The following DOCK3 variants were observed in gnomAD, a reference collection of about 807,000 sequenced individuals.
The protein encoded by DOCK3 is dedicator of cytokinesis protein 3.
DOCK3 carries 60 observed loss-of-function variants against 265.6 expected under a neutral mutation model. The observed-to-expected ratio is 0.23, with a 90% CI of 0.18 to 0.28. DOCK3 has a LOEUF of 0.28. Among genes scored for constraint, DOCK3 ranks in the 10% least tolerant of loss-of-function variants. DOCK3 has a pLI of 1.00. For synonymous variants in DOCK3, 881 were observed against 938.0 expected (o/e 0.94, Z 1.11); for missense variants, 1,981 against 2,594.3 (o/e 0.76, Z 5.14).
At chr3:51,249,778 C>T (rs1260847404) in intron 22 of DOCK3, among the ~76,000 whole-genome samples, 3 of 144,022 alleles carry the variant, frequency 2.1e-5, no homozygotes, top group Admixed American at 6.9e-5. Flanking sequence ...GAGGTGTGCC[C>T]AACAGCTCAT....
intron 3 of DOCK3, among the ~76,000 whole-genome samples, chr3:50,870,761 T>C (rs999468095): frequency 6.6e-6 from 1 of 152,088 alleles, no homozygotes; most frequent in East Asian, 1.9e-4. Flanking sequence ...TTTTGCTTTT[T>C]TGGATCTCAT....
At chr3:51,324,818 AG>A (rs2083984964) in intron 32 of DOCK3, among the ~76,000 whole-genome samples, 1 of 152,252 alleles carries the variant, frequency 6.6e-6, no homozygotes, top group African/African-American at 2.4e-5. Flanking sequence ...CAATGGGGAA[AG>A]GATTCCCTAT....
chr3:50,979,840 T>TA (rs2077625008), intron 5 of DOCK3, among the ~76,000 whole-genome samples: 1 of 152,240 alleles, frequency 6.6e-6, no homozygotes, highest in Non-Finnish European at 1.5e-5. Flanking sequence ...TTATTAGTTC[T>TA]AAGAGTGTTT....
chr3:51,120,607 GT>G (rs2083967003), intron 9 of DOCK3, among the ~76,000 whole-genome samples: 1 of 152,234 alleles, frequency 6.6e-6, no homozygotes, highest in Non-Finnish European at 1.5e-5. Context: ...GGAGATGGGA[GT>G]TTGATCTATA....
intron 41 of DOCK3, 132 bp from the exon 42 acceptor site, chr3:51,355,957 C>T: frequency 8.9e-7 from 1 of 1,127,978 alleles, no homozygotes; most frequent in Admixed American, 2.2e-5. Context: ...AGAGATGCCA[C>T]TGCCTCCCCT....
chr3:51,315,774 C>A (rs1352872141), intron 32 of DOCK3, among the ~76,000 whole-genome samples: 2 of 152,110 alleles, frequency 1.3e-5, no homozygotes, highest in African/African-American at 4.8e-5. Flanking sequence ...CCACTGTAAG[C>A]AGGCCTGCTT....
chr3:51,129,634 G>A lies in DOCK3; in HGVS notation c.747-16915G>A, dbSNP rs970225051. 5.3e-5 allele frequency among the ~76,000 whole-genome samples: 8 copies of A among 152,224 alleles called. No individual in the cohort carries two copies. The East Asian group carries it at 9.7e-4, about 18-fold the overall frequency. On this transcript the variant is annotated intron_variant, in intron 9 of 52. Coordinates refer to ENST00000266037, the MANE Select transcript of DOCK3 (RefSeq NM_004947.5). The stretch of plus-strand genomic sequence containing the variant: ...ATGGTGACTTAACCCATAGTCAAAC[G>A]TTCAGTTTCCACCAAAGCCCAGTAA...
At chr3:51,060,259 G>A (rs2081365873) in intron 5 of DOCK3, among the ~76,000 whole-genome samples, 1 of 151,610 alleles carries the variant, frequency 6.6e-6, no homozygotes, top group South Asian at 2.1e-4. Flanking sequence ...CCAATTCTCA[G>A]TTCATATTTA....
At chr3:50,750,246 G>A (rs1473705044) in intron 1 of DOCK3, among the ~76,000 whole-genome samples, 1 of 137,942 alleles carries the variant, frequency 7.2e-6, no homozygotes, top group East Asian at 2.1e-4. Flanking sequence ...ATGGAAAAAT[G>A]TCTTCCATGA....
chr3:50,958,256 T>C (rs905771358), intron 5 of DOCK3, among the ~76,000 whole-genome samples: 1 of 152,232 alleles, frequency 6.6e-6, no homozygotes, highest in Non-Finnish European at 1.5e-5. Flanking sequence ...AAAGAATAGC[T>C]GCACCTTCAG....
At chr3:51,244,216 A>ATT (rs34875526) in intron 21 of DOCK3, among the ~76,000 whole-genome samples, 103 of 149,294 alleles carry the variant, frequency 6.9e-4, no homozygotes, top group South Asian at 1.3e-3. Context: ...ATTAGGATGG[A>ATT]TTTTTTTTTT....
intron 2 of DOCK3, among the ~76,000 whole-genome samples, chr3:50,840,127 T>A (rs1010456090): frequency 2.0e-5 from 3 of 152,134 alleles, no homozygotes; most frequent in Non-Finnish European, 4.4e-5. Flanking sequence ...TAACATTCCT[T>A]TATCAGATAT....
intron 1 of DOCK3, among the ~76,000 whole-genome samples, chr3:50,754,841 G>A (rs2040060095): frequency 1.3e-5 from 2 of 152,048 alleles, no homozygotes; most frequent in African/African-American, 4.8e-5. Context: ...TTACAGGTGT[G>A]AGCCACCACT....
At chr3:51,016,548 T>TCTACATAATATATG (rs1559944058) in intron 5 of DOCK3, among the ~76,000 whole-genome samples, 3 of 15,888 alleles carry the variant, frequency 1.9e-4, no homozygotes, top group African/African-American at 1.6e-3. Context: ...TATATATATT[T>TCTACATAATATATG]ATATATATCA....
intron 1 of DOCK3, among the ~76,000 whole-genome samples, chr3:50,678,959 G>T (rs948803747): frequency 6.6e-6 from 1 of 151,868 alleles, no homozygotes; most frequent in African/African-American, 2.4e-5. Context: ...ACAGGTGCCC[G>T]CCACCATGCC....
chr3:50,859,523 G>C (rs1229392112), intron 3 of DOCK3, among the ~76,000 whole-genome samples: 1 of 151,854 alleles, frequency 6.6e-6, no homozygotes, highest in East Asian at 1.9e-4. Flanking sequence ...GCCCGGTGTG[G>C]TTTTTTTGTA....
At position 51,026,144 on chromosome 3, in the gene DOCK3, G is replaced by A. The variant is rs559304517; in HGVS notation, c.316-38304G>A. On this transcript the variant is annotated intron_variant, in intron 5 of 52. Coordinates refer to ENST00000266037, the MANE Select transcript of DOCK3 (RefSeq NM_004947.5). ...AACACTGCCTCCAATCTGCCATTTT[G>A]AAAAAAATAAAAAATGAAAAAATGA... is the stretch of plus-strand genomic sequence containing the variant. Among the ~76,000 whole-genome samples, 307 of 151,902 alleles carry A rather than the reference G, an allele frequency of 2.0e-3. 1 individual carries two copies. The highest frequency in any genetic ancestry group is 3.4e-3 in the Non-Finnish European group (232 of 67,936).
At chr3:50,767,259 ATTTAAGTC>A (rs1433125673) in intron 1 of DOCK3, among the ~76,000 whole-genome samples, 2 of 152,112 alleles carry the variant, frequency 1.3e-5, no homozygotes, top group Non-Finnish European at 2.9e-5. Flanking sequence ...TAGGTCTAAC[ATTTAAGTC>A]TTTAATCCAT....
At position 51,217,784 on chromosome 3, in the gene DOCK3, C is replaced by G. The variant is rs150688637; in HGVS notation, c.1252+3537C>G. On this transcript the variant is annotated intron_variant, in intron 14 of 52. Coordinates refer to ENST00000266037, the MANE Select transcript of DOCK3 (RefSeq NM_004947.5). ...GCTATAATAAAACTTTAAAGAAAAC[C>G]GTTAGCCAAAAGAGTATAACCTGAA... 1.6e-3 allele frequency among the ~76,000 whole-genome samples: 239 copies of G among 152,164 alleles called. 1 individual carries two copies. Among genetic ancestry groups the G allele is most frequent in the Non-Finnish European group, 1.5e-3 (105 of 68,020 alleles).
Sources: gnomAD v4.1 joint callset for allele counts (sites outside exome capture counted in the v4.1 genomes callset) on GRCh38, gnomAD v4.1.1 for gene constraint, MANE v1.5 for transcripts, NCBI Gene and HGNC (gene_info 2026-07-23, HGNC 2026-07-21) for gene names.